The following ACER3 variants were observed in gnomAD, a reference collection of about 807,000 sequenced individuals.
ACER3 encodes alkaline ceramidase 3.
A neutral mutation model predicts 48.9 loss-of-function variants in ACER3; 16 were observed. The observed-to-expected ratio is 0.33, with a 90% CI of 0.22 to 0.50. ACER3 has a LOEUF of 0.50. ACER3 is among the 20% of genes least tolerant of loss of function. The pLI is 0.98. For synonymous variants in ACER3, 109 were observed against 107.8 expected (o/e 1.01, Z -0.07); for missense variants, 227 against 326.0 (o/e 0.70, Z 2.34).
intron 2 of ACER3, among the ~76,000 whole-genome samples, chr11:76,957,219 C>G (rs1330740996): frequency 6.6e-6 from 1 of 152,068 alleles, no homozygotes; most frequent in Non-Finnish European, 1.5e-5. Context: ...ACCTCAGCAT[C>G]TATAACTGAA....
At chr11:76,866,423 C>T (rs529377636) in intron 1 of ACER3, among the ~76,000 whole-genome samples, 1 of 152,306 alleles carries the variant, frequency 6.6e-6, no homozygotes, top group East Asian at 1.9e-4. Flanking sequence ...TGATCATCAA[C>T]AGACAGTGAA....
At chr11:76,884,935 T>C (rs1945635816) in intron 1 of ACER3, among the ~76,000 whole-genome samples, 3 of 152,060 alleles carry the variant, frequency 2.0e-5, no homozygotes, top group African/African-American at 7.2e-5. Flanking sequence ...AGCTAATTTT[T>C]TTGTATTTTT....
At chr11:76,870,904 C>A (rs1945225877) in intron 1 of ACER3, among the ~76,000 whole-genome samples, 1 of 152,064 alleles carries the variant, frequency 6.6e-6, no homozygotes, top group South Asian at 2.1e-4. Context: ...TTAAAAATAG[C>A]CAGTAGAAAT....
chr11:76,863,599 T>C (rs1944995803), intron 1 of ACER3, among the ~76,000 whole-genome samples: 1 of 152,182 alleles, frequency 6.6e-6, no homozygotes, highest in African/African-American at 2.4e-5. Context: ...ATGTTTAAAA[T>C]ATGTGTTTAA....
At chr11:76,904,081 G>A (rs1297558253) in intron 1 of ACER3, among the ~76,000 whole-genome samples, 1 of 152,046 alleles carries the variant, frequency 6.6e-6, no homozygotes, top group Non-Finnish European at 1.5e-5. Flanking sequence ...CAGCCTCGTG[G>A]GTTCAAGTGA....
chr11:76,941,655 A>G (rs1348241040), intron 2 of ACER3, among the ~76,000 whole-genome samples: 4 of 151,882 alleles, frequency 2.6e-5, no homozygotes, highest in Admixed American at 6.6e-5. Context: ...TTGGTTTCAT[A>G]TGAACCTTAG....
At chr11:76,959,142 A>G in intron 3 of ACER3, 111 bp downstream of exon 3, 3 of 1,568,230 alleles carry the variant, frequency 1.9e-6, no homozygotes, top group South Asian at 1.1e-5. Context: ...TAATCTCTGG[A>G]GTTTTTTACT....
At chr11:76,873,920 G>A (rs1237716174) in intron 1 of ACER3, among the ~76,000 whole-genome samples, 3 of 152,122 alleles carry the variant, frequency 2.0e-5, no homozygotes, top group African/African-American at 7.2e-5. Context: ...AAGATTTTAA[G>A]TTGTTTTTTC....
At chr11:76,909,920 C>G (rs1020683659) in intron 1 of ACER3, among the ~76,000 whole-genome samples, 3 of 152,122 alleles carry the variant, frequency 2.0e-5, no homozygotes, top group Non-Finnish European at 4.4e-5. Flanking sequence ...CATATATACA[C>G]CATGGAATAC....
At chr11:76,932,256 A>G (rs981191837) in intron 2 of ACER3, among the ~76,000 whole-genome samples, 2 of 151,866 alleles carry the variant, frequency 1.3e-5, no homozygotes, top group African/African-American at 2.4e-5. Context: ...GGCCTTATTT[A>G]TTTTTTATAA....
intron 5 of ACER3, among the ~76,000 whole-genome samples, chr11:76,989,051 G>C (rs1233347559): frequency 1.3e-5 from 2 of 152,090 alleles, no homozygotes; most frequent in Non-Finnish European, 2.9e-5. Flanking sequence ...ATGTCTTTAA[G>C]AGATATGTCG....
chr11:76,943,730 G>A (rs12273520), intron 2 of ACER3, among the ~76,000 whole-genome samples: 3,210 of 127,450 alleles, frequency 0.025, 116 homozygotes, highest in African/African-American at 0.089. Flanking sequence ...TATCTAGTGC[G>A]GTCAGTGATG....
chr11:77,016,820 TTG>T, intron 9 of ACER3, 41 bp downstream of exon 9: 1 of 1,121,058 alleles, frequency 8.9e-7, no homozygotes, highest in Non-Finnish European at 1.3e-6. Flanking sequence ...CTAGAGTTTG[TTG>T]TTTTTTTTTT....
chr11:76,873,773 A>T (rs533464166), intron 1 of ACER3, among the ~76,000 whole-genome samples: 2 of 152,208 alleles, frequency 1.3e-5, no homozygotes, highest in Admixed American at 1.3e-4. Context: ...GTGGAACAGT[A>T]ATTGTGGTGT....
chr11:76,942,517 C>T (rs1485710761), intron 2 of ACER3, among the ~76,000 whole-genome samples: 3 of 151,954 alleles, frequency 2.0e-5, no homozygotes, highest in African/African-American at 7.2e-5. Context: ...ACTATCCTTG[C>T]CTCCCTGGGA....
At chr11:76,953,552 TGC>T (rs1206270158) in intron 2 of ACER3, among the ~76,000 whole-genome samples, 1 of 151,964 alleles carries the variant, frequency 6.6e-6, no homozygotes, top group Non-Finnish European at 1.5e-5. Context: ...GAGCCAAGAT[TGC>T]GCCATTGCAC....
chr11:76,877,685 G>A (rs1331152048), intron 1 of ACER3, among the ~76,000 whole-genome samples: 1 of 152,092 alleles, frequency 6.6e-6, no homozygotes. Flanking sequence ...TTATGACCTT[G>A]ATAAAGGAGG....
At chr11:76,976,781 A>G (rs759661225) in intron 4 of ACER3, among the ~76,000 whole-genome samples, 4 of 152,232 alleles carry the variant, frequency 2.6e-5, no homozygotes, top group Non-Finnish European at 5.9e-5. Context: ...TATCTTTTAA[A>G]TAGATACTTG....
rs139346386 is a variant in ACER3 at position 76,925,185 on chromosome 11, G to A, written c.104-1372G>A. ...CCTTATTCATTGTAAAAGAAAGAAC[G>A]ATGCGTCCATGTTTTCTGTTACTAC... On this transcript the variant is annotated intron_variant, in intron 1 of 10. Coordinates refer to ENST00000532485, the MANE Select transcript of ACER3 (RefSeq NM_018367.7). Among the ~76,000 whole-genome samples, 663 of 152,088 alleles carry A rather than the reference G, an allele frequency of 4.4e-3. 9 individuals are homozygous for A. Among genetic ancestry groups the A allele is most frequent in the African/African-American group, 0.015 (631 of 41,484 alleles).
Sources: gnomAD v4.1 joint callset for allele counts (sites outside exome capture counted in the v4.1 genomes callset) on GRCh38, gnomAD v4.1.1 for gene constraint, MANE v1.5 for transcripts, NCBI Gene and HGNC (gene_info 2026-07-23, HGNC 2026-07-21) for gene names.